SH3TC1: variants seen among roughly 807,000 people sequenced by gnomAD.
SH3TC1 encodes SH3 domain and tetratricopeptide repeat-containing protein 1.
In SH3TC1, 135 loss-of-function variants were observed where a neutral mutation model predicts 117.3. That is an observed-to-expected ratio of 1.15 (90% CI 1.00 to 1.33). The LOEUF is 1.33. Ranked by LOEUF, SH3TC1 falls within the 40% of genes most tolerant of loss-of-function variation. SH3TC1 has a pLI of 0.00. For synonymous variants in SH3TC1, 898 were observed against 816.9 expected, an observed-to-expected ratio of 1.10 and a Z score of -1.69; for missense variants, 2,092 against 1,794.3, an observed-to-expected ratio of 1.17 and a Z score of -3.00.
At chr4:8,229,775 C>T (rs1468643350) in intron 12 of SH3TC1, among the ~76,000 whole-genome samples, 1 of 152,078 alleles carries the variant, frequency 6.6e-6, no homozygotes, top group Non-Finnish European at 1.5e-5. Flanking sequence ...CCTCCAGAAA[C>T]CCGGCACCCC....
rs1722290044 is a variant in SH3TC1, at chr4:8,240,941, A to G, written c.3997A>G (p.Ser1333Gly). ...LCGWAPWLAP[S>G]HPR ...CGGGTGGGCCCCCTGGTTGGCCCCC[A>G]GCCACCCTCGCTGAGGACAGCATCC... Residue 1333 changes from serine to glycine, a missense_variant, in exon 18 of 18, where the codon AGC becomes GGC. Physicochemically the swap from Ser to Gly is moderately conservative, Grantham distance 56. Coordinates refer to ENST00000245105, the MANE Select transcript of SH3TC1 (RefSeq NM_018986.5). 3.1e-6 allele frequency: 5 copies of G among 1,610,614 alleles called. No homozygotes were observed. The East Asian group carries it at 1.1e-4, about 36-fold the overall frequency.
chr4:8,191,380 G>A lies in SH3TC1; in HGVS notation c.-57+9170G>A, dbSNP rs531084811. 7.9e-5 allele frequency among the ~76,000 whole-genome samples: 12 copies of A among 152,330 alleles called. No homozygotes were observed. The South Asian group carries it at 1.7e-3, about 21-fold the overall frequency. ...ACTTCCTGCAGGCCTCCGACCCGGCGGCCCAGCCACCCATCCGGCTGGGGT... is the reference window on the plus strand; with the variant it reads ...ACTTCCTGCAGGCCTCCGACCCGGCAGCCCAGCCACCCATCCGGCTGGGGT... On this transcript the variant is annotated intron_variant, in intron 1 of 16. Coordinates refer to the SH3TC1 transcript ENST00000508641.
chr4:8,222,827 T>C lies in SH3TC1; in HGVS notation c.1113-13T>C, dbSNP rs978260148. Reference sequence around the variant, plus strand: ...AATATGTTGTTTTGAATAAAGCACTTTATTTTTTCCAGGTTGGAAAGTGCG... The same window carrying C: ...AATATGTTGTTTTGAATAAAGCACTCTATTTTTTCCAGGTTGGAAAGTGCG... On this transcript the variant is annotated splice_polypyrimidine_tract_variant and intron_variant, in intron 9 of 17. Transcript: ENST00000245105. 5.0e-6 allele frequency: 8 copies of C among 1,607,630 alleles called. No homozygotes were observed. Among genetic ancestry groups the C allele is most frequent in the Non-Finnish European group, 6.8e-6 (8 of 1,174,544 alleles).
intron 12 of SH3TC1, among the ~76,000 whole-genome samples, chr4:8,230,918 TAC>T (rs1201772820): frequency 6.6e-6 from 1 of 151,806 alleles, no homozygotes; most frequent in Non-Finnish European, 1.5e-5. Flanking sequence ...TAGCTGGGAT[TAC>T]AGACATGCAC....
At chr4:8,240,068 C>T (rs1327471104) in intron 17 of SH3TC1, among the ~76,000 whole-genome samples, 5 of 152,122 alleles carry the variant, frequency 3.3e-5, no homozygotes, top group Admixed American at 3.3e-4. Flanking sequence ...CTTGGGTGAC[C>T]CCCATGTGGA....
rs1205594914 is a variant in SH3TC1 at position 8,186,566 on chromosome 4, G to T, written c.-57+4356G>T. Among the ~76,000 whole-genome samples, 1 of 152,206 alleles carries T rather than the reference G, an allele frequency of 6.6e-6. No homozygotes were observed. Among genetic ancestry groups the T allele is most frequent in the Non-Finnish European group, 1.5e-5 (1 of 68,036 alleles). On this transcript the variant is annotated intron_variant, in intron 1 of 16. Transcript: ENST00000508641. The surrounding 1 kb of genome is among the most constrained non-coding windows in gnomAD (Gnocchi z 5.2). The stretch of plus-strand genomic sequence containing the variant: ...GTCATCACGGGGGAGGCTGATGGGA[G>T]TTTATGCCAATGCCCTGCACTGGCT...
At chr4:8,208,214 G>T (rs146775146) in intron 2 of SH3TC1, among the ~76,000 whole-genome samples, 30 of 152,332 alleles carry the variant, frequency 2.0e-4, no homozygotes, top group African/African-American at 6.3e-4. Flanking sequence ...CAGGCTGGCT[G>T]CTGCTGGATT....
chr4:8,229,821 A>G (rs187119026), intron 12 of SH3TC1, among the ~76,000 whole-genome samples: 8 of 152,190 alleles, frequency 5.3e-5, no homozygotes, highest in African/African-American at 1.9e-4. Flanking sequence ...TCCTGGCACA[A>G]TAGCCTGTGG....
Position 8,183,807 on chromosome 4 carries a change from G to A in SH3TC1, c.-57+1597G>A, listed in dbSNP as rs529503322. On this transcript the variant is annotated intron_variant, in intron 1 of 16. Transcript: ENST00000508641. This position sits in a 1 kb window ranked among gnomAD's most constrained non-coding sequence, Gnocchi z 5.4. Reference sequence around the variant, plus strand: ...CCCACACCTGACTCAGATTTCCTTCGTCTTTACCTAACGCCTTCGCCTGCC... The same window carrying A: ...CCCACACCTGACTCAGATTTCCTTCATCTTTACCTAACGCCTTCGCCTGCC... 2.0e-5 allele frequency among the ~76,000 whole-genome samples: 3 copies of A among 152,058 alleles called. No homozygotes were observed. Among genetic ancestry groups the A allele is most frequent in the Non-Finnish European group, 2.9e-5 (2 of 68,018 alleles).
chr4:8,214,450 C>T lies in SH3TC1; in HGVS notation c.376-25C>T, dbSNP rs776650092. 179 of 1,606,516 alleles carry T rather than the reference C, an allele frequency of 1.1e-4. 1 individual carries two copies. The South Asian group carries it at 1.8e-3, about 16-fold the overall frequency. On this transcript the variant is annotated intron_variant, in intron 4 of 17. Coordinates refer to ENST00000245105, the MANE Select transcript of SH3TC1 (RefSeq NM_018986.5). ...TGCCCCAGAGCTCCTGGGGACCTCT[C>T]GAATTCCTATTTCTTTCTCTTAAGG...
rs374013419 is a variant in SH3TC1, at chr4:8,235,554, G to A, written c.3404G>A (p.Arg1135Gln). The change falls in exon 15 of 18, where the codon CGG becomes CAG. Residue 1135 changes from arginine (R) to glutamine (Q), a missense_variant and splice_region_variant. Coordinates refer to ENST00000245105, the MANE Select transcript of SH3TC1 (RefSeq NM_018986.5). ...WEREKAVSFY[R>Q]DRALPLAVTT... ...CGGGAGAAAGCTGTGTCCTTCTACC[G>A]GGTGAGCTGGCCTGTGGGCTGATGT... is the stretch of plus-strand genomic sequence containing the variant. The A allele has an allele frequency of 3.9e-5, 62 of 1,594,394 alleles. No homozygotes were observed. Among genetic ancestry groups the A allele is most frequent in the South Asian group, 1.1e-4 (10 of 88,604 alleles).
intron 16 of SH3TC1, 37 bp from the exon 17 acceptor site, chr4:8,237,437 C>T (rs1721919010): frequency 8.2e-6 from 12 of 1,457,912 alleles, no homozygotes; most frequent in Non-Finnish European, 1.1e-5. Context: ...CCCGGGGAGC[C>T]ACGTCCTCAC....
chr4:8,227,269 G>T lies in SH3TC1; in HGVS notation c.1575G>T (p.Trp525Cys). Residue 525 changes from tryptophan (W) to cysteine (C), a missense_variant, in exon 12 of 18, where the codon TGG (tryptophan) becomes TGT (cysteine). Coordinates refer to ENST00000245105, the MANE Select transcript of SH3TC1 (RefSeq NM_018986.5). ...FRGLYDVALP[W>C]LSSVFRSFSD... is the part of the protein sequence containing the mutation. ...GCCTGTACGATGTGGCGCTGCCGTG[G>T]CTGAGCAGCGTGTTCCGCAGCTTCA... 1 of 1,603,026 alleles carries T rather than the reference G, an allele frequency of 6.2e-7. No homozygotes were observed. The highest frequency in any genetic ancestry group is 1.1e-5 in the South Asian group (1 of 90,096).
chr4:8,214,460 T>G lies in SH3TC1; in HGVS notation c.376-15T>G. 6.2e-7 allele frequency: 1 copy of G among 1,611,562 alleles called. No homozygotes were observed. The highest frequency in any genetic ancestry group is 8.5e-7 in the Non-Finnish European group (1 of 1,178,030). ...CTCCTGGGGACCTCTCGAATTCCTA[T>G]TTCTTTCTCTTAAGGAATTATCAGC... On this transcript the variant is annotated splice_polypyrimidine_tract_variant and intron_variant, in intron 4 of 17. Transcript: ENST00000245105.
intron 17 of SH3TC1, 139 bp downstream of exon 17, chr4:8,237,809 G>A (rs1721962646): frequency 3.1e-6 from 3 of 958,514 alleles, no homozygotes; most frequent in Non-Finnish European, 4.4e-6. Flanking sequence ...CCGGCTGGAG[G>A]AGCTGGCAAG....
At chr4:8,185,472 C>T (rs918858474) in intron 1 of SH3TC1, among the ~76,000 whole-genome samples, 1 of 152,142 alleles carries the variant, frequency 6.6e-6, no homozygotes, top group Non-Finnish European at 1.5e-5. Context: ...CCCTGTGGCT[C>T]ACCGACTCAG....
chr4:8,233,548 A>G (rs762911293), intron 14 of SH3TC1, 35 bp downstream of exon 14: 1 of 1,564,590 alleles, frequency 6.4e-7, no homozygotes, highest in South Asian at 1.2e-5. Flanking sequence ...GCCTCTGCAC[A>G]TGTTCACTCT....
rs909294300 is a variant in SH3TC1, at chr4:8,189,090, C to T, written c.-57+6880C>T. On this transcript the variant is annotated intron_variant, in intron 1 of 16. Coordinates refer to the SH3TC1 transcript ENST00000508641. Reference sequence around the variant, plus strand: ...AGTGCACTTGACTGGGCTCTGCCCCCTTCTGCGTGTCTGGCAGAGGTGAAC... The same window carrying T: ...AGTGCACTTGACTGGGCTCTGCCCCTTTCTGCGTGTCTGGCAGAGGTGAAC... 2.0e-5 allele frequency among the ~76,000 whole-genome samples: 3 copies of T among 152,402 alleles called. No individual in the cohort carries two copies. In the East Asian group the frequency reaches 5.8e-4, roughly 29 times the overall value.
At chr4:8,236,573 T>A (rs1721838684) in intron 16 of SH3TC1, 145 bp downstream of exon 16, 1 of 1,159,994 alleles carries the variant, frequency 8.6e-7, no homozygotes, top group Non-Finnish European at 1.2e-6. Context: ...GGCTCCCCCG[T>A]CCGGCCGTGG....
Sources: allele counts gnomAD v4.1 joint callset (sites outside exome capture counted in the v4.1 genomes callset), GRCh38; gene constraint gnomAD v4.1.1; non-coding constraint Gnocchi (gnomAD v3.1); transcripts MANE v1.5; gene names NCBI Gene and HGNC (gene_info 2026-07-23, HGNC 2026-07-21).